Variants in ARHGEF18 observed in about 807,000 individuals in gnomAD.
ARHGEF18 encodes the protein rho guanine nucleotide exchange factor 18.
A neutral mutation model predicts 155.7 loss-of-function variants in ARHGEF18; 93 were observed. The observed-to-expected ratio is 0.60, with a 90% CI of 0.50 to 0.71. ARHGEF18 has a LOEUF of 0.71. Ranked by LOEUF, ARHGEF18 falls within the 30% of genes least tolerant of loss-of-function variation. The pLI is 0.00. For missense variants in ARHGEF18, 1,593 were observed against 1,816.1 expected, an observed-to-expected ratio of 0.88 and a Z score of 2.23; for synonymous variants, 742 against 753.1, an observed-to-expected ratio of 0.99 and a Z score of 0.24.
chr19:7,397,350 C>T (rs534460204), intron 10 of ARHGEF18, among the ~76,000 whole-genome samples: 2 of 152,138 alleles, frequency 1.3e-5, no homozygotes, highest in African/African-American at 2.4e-5. Context: ...ACTACAGCCT[C>T]GAACTCCTGG....
chr19:7,365,553 C>A (rs1193708648), intron 2 of ARHGEF18, among the ~76,000 whole-genome samples: 1 of 152,208 alleles, frequency 6.6e-6, no homozygotes, highest in Non-Finnish European at 1.5e-5. Flanking sequence ...TGAAAGAGAA[C>A]CATGGGATGC....
Position 7,467,598 on chromosome 19 carries a change from C to A in ARHGEF18, c.3394C>A (p.Arg1132Ser). Residue 1132 changes from arginine (R) to serine (S), a missense_variant, in exon 26 of 29, where the codon CGC (arginine) becomes AGC (serine). Physicochemically the swap from Arg to Ser is moderately radical, Grantham distance 110. Transcript: ENST00000668164. ...RLREAQRAVERERERLELLRR... is the reference protein window; with the variant it reads ...RLREAQRAVESERERLELLRR... ...GCGCGAGGCCCAGCGTGCCGTGGAG[C>A]GCGAGCGGGAGCGCCTGGAGCTGCT... 1 of 1,508,478 alleles carries A rather than the reference C, an allele frequency of 6.6e-7. No homozygotes were observed. Among genetic ancestry groups the A allele is most frequent in the Non-Finnish European group, 8.8e-7 (1 of 1,136,480 alleles). The allele number at this position is 1,508,478 out of a possible 1,614,324, so 93.4% of individuals were successfully genotyped here. A position where few individuals can be genotyped will look rare whatever the true frequency, so the allele number is the denominator to read the frequency against.
At position 7,458,825 on chromosome 19, in the gene ARHGEF18, G is replaced by T. The variant is rs975205951; in HGVS notation, c.2360+135G>T. ...GCTTGGGACCCATGACGCCATTCCA[G>T]CTCCTTCTGATGACTCAACCTGTTG... On this transcript the variant is annotated intron_variant, in intron 19 of 28. Transcript: ENST00000668164. 5 of 1,058,212 alleles carry T rather than the reference G, an allele frequency of 4.7e-6. No homozygotes were observed. The African/African-American group carries it at 8.1e-5, about 17-fold the overall frequency. The allele number at this position is 1,058,212 out of a possible 1,614,324, so 65.6% of individuals were successfully genotyped here.
At chr19:7,405,284 C>T (rs1232881302) in intron 10 of ARHGEF18, among the ~76,000 whole-genome samples, 1 of 152,142 alleles carries the variant, frequency 6.6e-6, no homozygotes, top group African/African-American at 2.4e-5. Flanking sequence ...TAAAAGGTGG[C>T]CCTAGGGATT....
At chr19:7,442,539 T>C (rs894529232) in intron 13 of ARHGEF18, among the ~76,000 whole-genome samples, 1 of 152,122 alleles carries the variant, frequency 6.6e-6, no homozygotes, top group Non-Finnish European at 1.5e-5. Context: ...CTGGCCTCTC[T>C]CTGTCTTTCT....
At position 7,444,316 on chromosome 19, in the gene ARHGEF18, C is replaced by A; in HGVS notation, c.1473C>A (p.Leu491=). 1 of 1,613,700 alleles carries A rather than the reference C, an allele frequency of 6.2e-7. No individual in the cohort carries two copies. The highest frequency in any genetic ancestry group is 8.5e-7 in the Non-Finnish European group (1 of 1,180,034). ...LQFSSKAIGR[L]FPCADDLLET... ...TCAGCAGCAAGGCCATTGGCCGCCT[C>A]TTCCCATGCGCTGACGACCTGCTGG... is the stretch of plus-strand genomic sequence containing the variant. The change falls in exon 14 of 29, where the codon CTC becomes CTA. Residue 491 remains leucine (L), a synonymous_variant. Coordinates refer to ENST00000668164, the MANE Select transcript of ARHGEF18 (RefSeq NM_001367823.1). The surrounding 1 kb of genome is among the most constrained non-coding windows in gnomAD (Gnocchi z 4.7).
chr19:7,349,900 C>T (rs1427405379), intron 1 of ARHGEF18, among the ~76,000 whole-genome samples: 2 of 152,140 alleles, frequency 1.3e-5, no homozygotes, highest in Non-Finnish European at 2.9e-5. Flanking sequence ...CCCCCAAGAA[C>T]CTCCCTGTTG....
At chr19:7,355,068 TCACACACACACACACACACACACA>T (rs60457716) in intron 1 of ARHGEF18, among the ~76,000 whole-genome samples, 12 of 146,650 alleles carry the variant, frequency 8.2e-5, no homozygotes, top group Admixed American at 2.7e-4. Context: ...CCAATGGGCT[TCACACACACACACACACACACACA>T]CACACACACA....
In ARHGEF18 at chr19:7,383,158, G is replaced by A. The variant is rs568874475; in HGVS notation, c.922G>A (p.Gly308Ser). 37 of 1,232,248 alleles carry A rather than the reference G, an allele frequency of 3.0e-5. No individual in the cohort carries two copies. In the Admixed American group the frequency reaches 8.4e-4, roughly 28 times the overall value. The allele number at this position is 1,232,248 out of a possible 1,614,324, so 76.3% of individuals were successfully genotyped here. ...GHQLLQGTFS[G>S]PSSCPLCGKP... ...CCAGCTGTTGCAAGGGACCTTCTCC[G>A]GCCCCTCCAGCTGCCCCCTGTGTGG... Residue 308 changes from glycine to serine, a missense_variant, in exon 10 of 29, where the codon GGC (glycine) becomes AGC (serine). By Grantham distance (56) the Gly-to-Ser change is moderately conservative. Transcript: ENST00000668164.
intron 11 of ARHGEF18, among the ~76,000 whole-genome samples, 195 bp from the exon 12 acceptor site, chr19:7,441,458 G>A (rs1336287805): frequency 1.3e-5 from 2 of 152,056 alleles, no homozygotes; most frequent in African/African-American, 4.8e-5. Flanking sequence ...GGGATTACAG[G>A]CGTGAGACAC....
At chr19:7,424,902 G>A (rs551918880) in intron 10 of ARHGEF18, among the ~76,000 whole-genome samples, 1 of 151,912 alleles carries the variant, frequency 6.6e-6, no homozygotes, top group Non-Finnish European at 1.5e-5. Flanking sequence ...GCTGAGGCAG[G>A]AGAATCGCTG....
chr19:7,397,682 G>A (rs1049362188), intron 10 of ARHGEF18, among the ~76,000 whole-genome samples: 1 of 151,584 alleles, frequency 6.6e-6, no homozygotes, highest in Non-Finnish European at 1.5e-5. Flanking sequence ...GCAGTGAGCC[G>A]AGATCGTGCC....
intron 1 of ARHGEF18, among the ~76,000 whole-genome samples, chr19:7,357,764 G>T (rs1969369459): frequency 6.6e-6 from 1 of 152,092 alleles, no homozygotes. Context: ...TGGACTTGGG[G>T]TGGCAAGTAA....
At chr19:7,420,181 T>C (rs1010676620) in intron 10 of ARHGEF18, among the ~76,000 whole-genome samples, 2 of 152,002 alleles carry the variant, frequency 1.3e-5, no homozygotes, top group Non-Finnish European at 2.9e-5. Context: ...CTTGAACTCC[T>C]GGGCTCAAGT....
At chr19:7,438,563 C>T (rs551456554) in intron 10 of ARHGEF18, among the ~76,000 whole-genome samples, 4 of 152,184 alleles carry the variant, frequency 2.6e-5, no homozygotes, top group Non-Finnish European at 5.9e-5. Flanking sequence ...AGGCATGTGC[C>T]ACCATGCCTG....
At chr19:7,452,488 G>A (rs1975549156) in intron 16 of ARHGEF18, among the ~76,000 whole-genome samples, 2 of 151,806 alleles carry the variant, frequency 1.3e-5, no homozygotes, top group African/African-American at 4.8e-5. Context: ...ATTGTAAGAT[G>A]GAGTTTCACT....
intron 2 of ARHGEF18, among the ~76,000 whole-genome samples, chr19:7,371,419 AC>A: frequency 6.6e-6 from 1 of 152,312 alleles, no homozygotes; most frequent in South Asian, 2.1e-4. Flanking sequence ...ACAGTGGCTC[AC>A]GCCTGTAATC....
Position 7,469,937 on chromosome 19 carries a change from A to T in ARHGEF18, c.3821A>T (p.Asn1274Ile), listed in dbSNP as rs995021643. 7.4e-6 allele frequency: 12 copies of T among 1,612,810 alleles called. No individual in the cohort carries two copies. Among genetic ancestry groups the T allele is most frequent in the Non-Finnish European group, 1.0e-5 (12 of 1,179,846 alleles). The change falls in exon 28 of 29, where the codon AAC (asparagine) becomes ATC (isoleucine). Residue 1274 changes from asparagine to isoleucine, a missense_variant. Physicochemically the swap from Asn to Ile is moderately radical, Grantham distance 149. Transcript: ENST00000668164. ...SFDLKQQLLL[N>I]KLMGKDESTS... ...GACCTGAAGCAGCAGCTGCTGCTCAACAAGCTCATGGGGAAAGATGAGAGC... is the reference window on the plus strand; with the variant it reads ...GACCTGAAGCAGCAGCTGCTGCTCATCAAGCTCATGGGGAAAGATGAGAGC...
chr19:7,441,935 A>G lies in ARHGEF18; in HGVS notation c.1243A>G (p.Ser415Gly). The change falls in exon 13 of 29, where the codon AGT becomes GGT. Residue 415 changes from serine to glycine, a missense_variant. Physicochemically the swap from Ser to Gly is moderately conservative, Grantham distance 56. Coordinates refer to ENST00000668164, the MANE Select transcript of ARHGEF18 (RefSeq NM_001367823.1). ...VEDPYTASLR[S>G]EIESDGHEFE... ...AGATCCCTACACCGCCTCGCTGAGG[A>G]GTGAGATTGAGTCAGACGGCCACGA... is the stretch of plus-strand genomic sequence containing the variant. The G allele has an allele frequency of 6.2e-7, 1 of 1,614,018 alleles. No homozygotes were observed. The highest frequency in any genetic ancestry group is 2.2e-5 in the East Asian group (1 of 44,866).
Sources: gnomAD v4.1 joint callset for allele counts (sites outside exome capture counted in the v4.1 genomes callset) on GRCh38, gnomAD v4.1.1 for gene constraint, Gnocchi (gnomAD v3.1) non-coding constraint, MANE v1.5 for transcripts, NCBI Gene and HGNC (gene_info 2026-07-23, HGNC 2026-07-21) for gene names.